CACNA1C: variants seen among roughly 807,000 people sequenced by gnomAD.
The protein encoded by CACNA1C is calcium voltage-gated channel subunit alpha1 C, also known as voltage-dependent L-type calcium channel subunit alpha-1C.
In CACNA1C, 30 loss-of-function variants were observed where a neutral mutation model predicts 229.0. The observed-to-expected ratio is 0.13, with a 90% confidence interval of 0.10 to 0.18. The LOEUF (loss-of-function observed/expected upper bound fraction) is 0.18. CACNA1C is among the 10% of genes least tolerant of loss of function. CACNA1C has a pLI of 1.00. For synonymous variants in CACNA1C, 1,114 were observed against 1,132.5 expected (o/e 0.98, Z 0.33); for missense variants, 1,658 against 2,845.0 (o/e 0.58, Z 9.49).
At chr12:1,979,142 G>T (rs111353512) in intron 1 of CACNA1C, among the ~76,000 whole-genome samples, 4,137 of 152,102 alleles carry the variant, frequency 0.027, 95 homozygotes, top group Middle Eastern at 0.054. Flanking sequence ...GCTCCCAAGT[G>T]GCTGGGATTA....
chr12:2,008,106 CTTATTTAT>C (rs60812704), intron 1 of CACNA1C, among the ~76,000 whole-genome samples: 4 of 151,822 alleles, frequency 2.6e-5, no homozygotes, highest in East Asian at 1.9e-4. Flanking sequence ...TAAAGTTTTA[CTTATTTAT>C]TTATTTATTT....
intron 1 of CACNA1C, among the ~76,000 whole-genome samples, chr12:2,024,457 G>A (rs558054423): frequency 9.8e-5 from 15 of 152,312 alleles, no homozygotes; most frequent in Admixed American, 3.9e-4. Flanking sequence ...GGCCCCTTCT[G>A]TGTTGTTGCT....
intron 34 of CACNA1C, among the ~76,000 whole-genome samples, chr12:2,655,696 C>T (rs1329664669): frequency 6.6e-6 from 1 of 152,226 alleles, no homozygotes; most frequent in Non-Finnish European, 1.5e-5. Context: ...CTCACTTAAT[C>T]CTCAACACAA....
chr12:2,519,353 C>A (rs1480997332), intron 9 of CACNA1C, among the ~76,000 whole-genome samples: 1 of 152,236 alleles, frequency 6.6e-6, no homozygotes, highest in Non-Finnish European at 1.5e-5. Context: ...TTCTGCCATG[C>A]TCTAAGCTGT....
chr12:2,678,257 A>C lies in CACNA1C; in HGVS notation c.5091+390A>C, dbSNP rs1038882133. On this transcript the variant is annotated intron_variant, in intron 41 of 46. Coordinates refer to ENST00000399655, the MANE Select transcript of CACNA1C (RefSeq NM_000719.7). This position sits in a 1 kb window ranked among gnomAD's most constrained non-coding sequence, Gnocchi z 4.1. The stretch of plus-strand genomic sequence containing the variant: ...CAAGACTTCTGGCATTCTTTGGAAA[A>C]GTCAGGAGACCTGGTAATATTAAGC... Among the ~76,000 whole-genome samples, 2 of 152,200 alleles carry C rather than the reference A, an allele frequency of 1.3e-5. No individual in the cohort carries two copies. The highest frequency in any genetic ancestry group is 2.4e-5 in the African/African-American group (1 of 41,452).
intron 10 of CACNA1C, among the ~76,000 whole-genome samples, chr12:2,555,373 G>C (rs924275629): frequency 2.0e-5 from 3 of 152,232 alleles, no homozygotes; most frequent in African/African-American, 7.2e-5. Context: ...CCTGGGACCA[G>C]GCTAGGCTTG....
chr12:2,248,250 A>C (rs1288606730), intron 3 of CACNA1C, among the ~76,000 whole-genome samples: 1 of 152,172 alleles, frequency 6.6e-6, no homozygotes, highest in Non-Finnish European at 1.5e-5. Flanking sequence ...AAATATAACC[A>C]GTGAGCAGTG....
rs556215520 is a variant in CACNA1C, at chr12:2,437,676, T to C, written c.478-11300T>C. On this transcript the variant is annotated intron_variant, in intron 3 of 46. Transcript: ENST00000399655. Reference sequence around the variant, plus strand: ...GAGGTGGAAATGGTGGTAATGGTGATGATGGGGGAGGTGGTGTTGGTGGTG... The same window carrying C: ...GAGGTGGAAATGGTGGTAATGGTGACGATGGGGGAGGTGGTGTTGGTGGTG... 2.9e-3 allele frequency among the ~76,000 whole-genome samples: 444 copies of C among 152,048 alleles called. 2 individuals carry two copies. Among genetic ancestry groups the C allele is most frequent in the Non-Finnish European group, 5.5e-3 (372 of 67,964 alleles).
At chr12:2,229,053 G>C (rs966278662) in intron 3 of CACNA1C, among the ~76,000 whole-genome samples, 1 of 152,124 alleles carries the variant, frequency 6.6e-6, no homozygotes, top group African/African-American at 2.4e-5. Context: ...TACTATTAGC[G>C]GGGCAAGTTC....
At chr12:2,005,199 G>A (rs2043178819) in intron 1 of CACNA1C, among the ~76,000 whole-genome samples, 1 of 151,548 alleles carries the variant, frequency 6.6e-6, no homozygotes, top group African/African-American at 2.4e-5. Flanking sequence ...TGGTGTTCTT[G>A]ATAAGCAGTA....
At chr12:2,189,896 G>A (rs943740715) in intron 3 of CACNA1C, among the ~76,000 whole-genome samples, 2 of 152,174 alleles carry the variant, frequency 1.3e-5, no homozygotes, top group African/African-American at 4.8e-5. Flanking sequence ...AGAGAACAAA[G>A]GAGGTCCCAA....
At chr12:2,531,184 C>T (rs138853064) in intron 9 of CACNA1C, among the ~76,000 whole-genome samples, 126 of 152,326 alleles carry the variant, frequency 8.3e-4, no homozygotes, top group African/African-American at 2.9e-3. Flanking sequence ...GGCCTGAGGC[C>T]AGTTCGCTAA....
chr12:2,671,964 C>T (rs765382806), intron 38 of CACNA1C, among the ~76,000 whole-genome samples: 2 of 152,096 alleles, frequency 1.3e-5, no homozygotes, highest in Admixed American at 6.5e-5. Context: ...CACGGGCCCT[C>T]CACAAACTTG....
At chr12:2,606,533 TG>T in intron 24 of CACNA1C, 77 bp from the exon 25 acceptor site, 1 of 1,169,436 alleles carries the variant, frequency 8.6e-7, no homozygotes, top group Non-Finnish European at 1.3e-6. Context: ...TGCTGGGCTA[TG>T]GAGATGCTCA....
chr12:2,571,323 A>G (rs1600509962), intron 13 of CACNA1C, among the ~76,000 whole-genome samples: 2 of 152,174 alleles, frequency 1.3e-5, no homozygotes, highest in East Asian at 3.9e-4. Flanking sequence ...CTGAGACAGG[A>G]CTTAAAAGAT....
chr12:2,262,386 A>G (rs2080612101), intron 3 of CACNA1C, among the ~76,000 whole-genome samples: 1 of 152,228 alleles, frequency 6.6e-6, no homozygotes, highest in Non-Finnish European at 1.5e-5. Flanking sequence ...TTGAGTCCCC[A>G]GTCTGTTTTC....
intron 3 of CACNA1C, among the ~76,000 whole-genome samples, chr12:2,317,287 A>G (rs1373303770): frequency 1.3e-5 from 2 of 152,252 alleles, no homozygotes; most frequent in Non-Finnish European, 2.9e-5. Flanking sequence ...TGAATGGATA[A>G]GCAAAATGTG....
intron 44 of CACNA1C, 68 bp from the exon 45 acceptor site, chr12:2,686,098 G>C: frequency 2.4e-6 from 3 of 1,226,300 alleles, no homozygotes; most frequent in Non-Finnish European, 3.6e-6. Context: ...CCCCACCAGG[G>C]TGTAAACTGT....
At chr12:1,988,233 C>T (rs112597841) in intron 1 of CACNA1C, among the ~76,000 whole-genome samples, 1 of 152,308 alleles carries the variant, frequency 6.6e-6, no homozygotes, top group Admixed American at 6.5e-5. Context: ...ATTGTTACCT[C>T]TGTGCCATGT....
Sources: allele counts gnomAD v4.1 joint callset (sites outside exome capture counted in the v4.1 genomes callset), GRCh38; gene constraint gnomAD v4.1.1; non-coding constraint Gnocchi (gnomAD v3.1); transcripts MANE v1.5; gene names NCBI Gene and HGNC (gene_info 2026-07-23, HGNC 2026-07-21).